The following STOX2 variants were observed in gnomAD, a reference collection of about 807,000 sequenced individuals.
STOX2 encodes the protein storkhead-box protein 2.
STOX2 carries 28 observed loss-of-function variants against 60.9 expected under a neutral mutation model. The observed-to-expected ratio is 0.46, with a 90% CI of 0.34 to 0.63. The LOEUF (loss-of-function observed/expected upper bound fraction) is 0.63. Ranked by LOEUF, STOX2 falls within the 30% of genes least tolerant of loss-of-function variation. The pLI, the probability that STOX2 is intolerant of heterozygous loss-of-function variation, is 0.01. For synonymous variants in STOX2, 472 were observed against 463.9 expected (o/e 1.02, Z -0.22); for missense variants, 1,024 against 1,187.7 (o/e 0.86, Z 2.03).
chr4:184,004,615 A>C (rs1488252548), intron 2 of STOX2, among the ~76,000 whole-genome samples: 1 of 152,186 alleles, frequency 6.6e-6, no homozygotes, highest in Non-Finnish European at 1.5e-5. Flanking sequence ...CAAAAACAAA[A>C]AAAAAATTCC....
intron 1 of STOX2, among the ~76,000 whole-genome samples, chr4:183,849,405 T>C (rs987605248): frequency 6.6e-6 from 1 of 152,108 alleles, no homozygotes; most frequent in Non-Finnish European, 1.5e-5. Flanking sequence ...CTACTACATA[T>C]GGATCAGGGG....
At chr4:183,904,238 C>G (rs965981230), upstream of STOX2, among the ~76,000 whole-genome samples, 1 of 152,230 alleles carries the variant, frequency 6.6e-6, no homozygotes, top group African/African-American at 2.4e-5. Flanking sequence ...CACCCACCTC[C>G]TGCTGTGCTG....
intron 1 of STOX2, among the ~76,000 whole-genome samples, chr4:183,998,332 A>T (rs114662747): frequency 0.017 from 2,625 of 152,188 alleles, 64 homozygotes; most frequent in African/African-American, 0.059. Context: ...TGGCTAACTT[A>T]GCACCTCTGT....
chr4:183,887,825 C>G (rs925626559), intron 1 of STOX2, among the ~76,000 whole-genome samples: 1 of 152,226 alleles, frequency 6.6e-6, no homozygotes, highest in African/African-American at 2.4e-5. Flanking sequence ...CTCACTGTAG[C>G]CTTGAGCTCG....
chr4:183,900,717 G>C (rs1446563046), upstream of STOX2, among the ~76,000 whole-genome samples: 3 of 151,976 alleles, frequency 2.0e-5, no homozygotes, highest in African/African-American at 7.2e-5. Flanking sequence ...CATAACTCTT[G>C]GGGTCTTTGA....
At position 184,010,372 on chromosome 4, in the gene STOX2, C is replaced by T; in HGVS notation, c.1534C>T (p.Leu512Phe). ...TTCTTCTCTAGGGACGCCGGAAGAC[C>T]TTGCTGAAGGCTGCAGCCAAGACGA... is the stretch of plus-strand genomic sequence containing the variant. ...GASSLGTPEDLAEGCSQDDQT... is the reference protein window; with the variant it reads ...GASSLGTPEDFAEGCSQDDQT... The change falls in exon 3 of 4, where the codon CTT becomes TTT. Residue 512 changes from leucine (L) to phenylalanine (F), a missense_variant. Physicochemically the swap from Leu to Phe is conservative, Grantham distance 22. This residue lies in a region of STOX2 where 922 missense variants were observed against 1,058.3 expected (regional missense o/e 0.87). Transcript: ENST00000308497. The surrounding 1 kb of genome is among the most constrained non-coding windows in gnomAD (Gnocchi z 4.5). 6.2e-7 allele frequency: 1 copy of T among 1,612,906 alleles called. No homozygotes were observed. Among genetic ancestry groups the T allele is most frequent in the Non-Finnish European group, 8.5e-7 (1 of 1,179,432 alleles).
At position 183,798,892 on chromosome 4, in the gene STOX2, T is replaced by G. The variant is rs199782881; in HGVS notation, c.364+837T>G. On this transcript the variant is annotated intron_variant, in intron 1 of 2. Coordinates refer to the STOX2 transcript ENST00000513034. ...TACTTTTGAGTTTTGTACTTTGGGT[T>G]TTATACTTTGAGTTTTTGTACTATT... 2.4e-5 allele frequency: 4 copies of G among 165,930 alleles called. No individual in the cohort carries two copies. In the East Asian group the frequency reaches 1.7e-3, roughly 69 times the overall value. The allele number at this position is 165,930 out of a possible 1,614,324, so 10.3% of individuals were successfully genotyped here. A position where few individuals can be genotyped will look rare whatever the true frequency, so the allele number is the denominator to read the frequency against.
At chr4:183,959,376 C>T (rs750580216) in intron 1 of STOX2, among the ~76,000 whole-genome samples, 2 of 152,120 alleles carry the variant, frequency 1.3e-5, no homozygotes, top group Non-Finnish European at 2.9e-5. Flanking sequence ...CAGCCATCGC[C>T]TTCGAAACAC....
At chr4:183,859,368 G>T (rs1269927786) in intron 1 of STOX2, among the ~76,000 whole-genome samples, 1 of 152,250 alleles carries the variant, frequency 6.6e-6, no homozygotes, top group East Asian at 1.9e-4. Context: ...ACGCTGGGGA[G>T]GAAGAAAGGG....
At chr4:183,942,796 T>TA (rs200043887) in intron 1 of STOX2, among the ~76,000 whole-genome samples, 6 of 151,642 alleles carry the variant, frequency 4.0e-5, no homozygotes, top group Middle Eastern at 3.2e-3. Context: ...TCATGTGCTT[T>TA]AAAAAAAAAC....
At chr4:183,834,044 T>C (rs1739643040) in intron 1 of STOX2, among the ~76,000 whole-genome samples, 1 of 151,718 alleles carries the variant, frequency 6.6e-6, no homozygotes, top group Admixed American at 6.6e-5. Context: ...CATGAGTGTA[T>C]TTCTCCTCCT....
upstream of STOX2, among the ~76,000 whole-genome samples, chr4:183,901,420 G>C (rs72998717): frequency 0.021 from 3,140 of 152,016 alleles, 113 homozygotes; most frequent in African/African-American, 0.072. Flanking sequence ...ACTTCTTTTC[G>C]GGTATATCTA....
intron 1 of STOX2, among the ~76,000 whole-genome samples, chr4:183,889,799 A>C (rs990372111): frequency 6.6e-6 from 1 of 151,902 alleles, no homozygotes; most frequent in African/African-American, 2.4e-5. Flanking sequence ...ATATATGTGG[A>C]GAGAGAGAGA....
intron 1 of STOX2, among the ~76,000 whole-genome samples, chr4:183,896,549 C>T (rs1741344188): frequency 1.3e-5 from 2 of 152,084 alleles, no homozygotes; most frequent in South Asian, 4.2e-4. Flanking sequence ...GTTATGTTGC[C>T]CAGGCTGTTC....
At chr4:183,941,011 CA>C (rs1441692979) in intron 1 of STOX2, among the ~76,000 whole-genome samples, 1 of 152,130 alleles carries the variant, frequency 6.6e-6, no homozygotes, top group Non-Finnish European at 1.5e-5. Context: ...GTGGTGTGGC[CA>C]ACCGACCACT....
At chr4:183,912,342 G>A (rs1741804145) in intron 1 of STOX2, among the ~76,000 whole-genome samples, 3 of 152,124 alleles carry the variant, frequency 2.0e-5, no homozygotes, top group African/African-American at 7.2e-5. Context: ...ATAGACCAGG[G>A]CACATCACAG....
chr4:183,877,809 T>C (rs1740866445), intron 1 of STOX2, among the ~76,000 whole-genome samples: 1 of 152,148 alleles, frequency 6.6e-6, no homozygotes, highest in South Asian at 2.1e-4. Context: ...GCCTCCCAAG[T>C]AGCTGGGACT....
At position 183,906,626 on chromosome 4, in the gene STOX2, G is replaced by C. The variant is rs1372889041; in HGVS notation, c.-165G>C. Reference sequence around the variant, plus strand: ...CGCCGTGGGGGTGTGGGGGGGCGTGGGGAGGGCCGGACCCGCCGCTGGCGG... The same window carrying C: ...CGCCGTGGGGGTGTGGGGGGGCGTGCGGAGGGCCGGACCCGCCGCTGGCGG... On this transcript the variant is annotated 5_prime_UTR_variant, in exon 1 of 4. Coordinates refer to ENST00000308497, the MANE Select transcript of STOX2 (RefSeq NM_020225.3). 1.8e-5 allele frequency: 12 copies of C among 683,070 alleles called. No individual in the cohort carries two copies. In the East Asian group the frequency reaches 3.2e-4, roughly 18 times the overall value. The allele number at this position is 683,070 out of a possible 1,614,324, so 42.3% of individuals were successfully genotyped here.
chr4:183,965,510 A>T (rs73008316), intron 1 of STOX2, among the ~76,000 whole-genome samples: 4,647 of 152,244 alleles, frequency 0.031, 255 homozygotes, highest in African/African-American at 0.11. Context: ...CAACTCTGAT[A>T]AGTTATTCTA....
Sources: allele counts gnomAD v4.1 joint callset (sites outside exome capture counted in the v4.1 genomes callset), GRCh38; gene constraint gnomAD v4.1.1; regional missense constraint gnomAD v4.1.1; non-coding constraint Gnocchi (gnomAD v3.1); transcripts MANE v1.5; gene names NCBI Gene and HGNC (gene_info 2026-07-23, HGNC 2026-07-21).